Variants in ARHGAP26 observed in about 807,000 individuals in gnomAD.
The protein encoded by ARHGAP26 is Rho GTPase activating protein 26, also known as rho GTPase-activating protein 26.
In ARHGAP26, 38 loss-of-function variants were observed where a neutral mutation model predicts 104.8. The observed-to-expected ratio is 0.36, with a 90% CI of 0.28 to 0.48. ARHGAP26 has a LOEUF of 0.48. ARHGAP26 is among the 20% of genes least tolerant of loss of function. ARHGAP26 has a pLI of 0.99. For missense variants in ARHGAP26, 704 were observed against 947.9 expected, an observed-to-expected ratio of 0.74 and a Z score of 3.38; for synonymous variants, 341 against 340.0, an observed-to-expected ratio of 1.00 and a Z score of -0.03.
rs760217958 is a variant in ARHGAP26 at position 142,885,257 on chromosome 5, C to T, written c.385-41C>T. 39 of 1,545,032 alleles carry T rather than the reference C, an allele frequency of 2.5e-5. No individual in the cohort carries two copies. The Admixed American group carries it at 5.2e-4, about 21-fold the overall frequency. Reference sequence around the variant, plus strand: ...ATGGAGGCTGCTTTTATTCCTGCAACGTGTTACTCTTTTTCTTTTTCTCTT... The same window carrying T: ...ATGGAGGCTGCTTTTATTCCTGCAATGTGTTACTCTTTTTCTTTTTCTCTT... On this transcript the variant is annotated intron_variant, in intron 4 of 22. Coordinates refer to ENST00000645722, the MANE Select transcript of ARHGAP26 (RefSeq NM_001135608.3).
intron 11 of ARHGAP26, among the ~76,000 whole-genome samples, chr5:142,998,120 A>T (rs1776670618): frequency 6.6e-6 from 1 of 152,246 alleles, no homozygotes; most frequent in African/African-American, 2.4e-5. Context: ...GTGTTATAAA[A>T]TGTAACTCCT....
chr5:143,067,927 G>A lies in ARHGAP26; in HGVS notation c.1538+10180G>A, dbSNP rs146987723. The stretch of plus-strand genomic sequence containing the variant: ...GCCTGTAATTCCAGCACTTGGGGAG[G>A]CCAAAGCAGGCAGATCACTTGAGGC... On this transcript the variant is annotated intron_variant, in intron 17 of 22. Coordinates refer to ENST00000645722, the MANE Select transcript of ARHGAP26 (RefSeq NM_001135608.3). Among the ~76,000 whole-genome samples, 23 of 152,316 alleles carry A rather than the reference G, an allele frequency of 1.5e-4. No homozygotes were observed. The East Asian group carries it at 4.1e-3, about 27-fold the overall frequency.
At chr5:143,084,208 A>G (rs528343183) in intron 17 of ARHGAP26, among the ~76,000 whole-genome samples, 5 of 152,354 alleles carry the variant, frequency 3.3e-5, no homozygotes, top group African/African-American at 1.2e-4. Flanking sequence ...TGGTCACAGT[A>G]TTCCCTGCCA....
At chr5:142,836,858 T>C (rs1228684781) in intron 1 of ARHGAP26, among the ~76,000 whole-genome samples, 1 of 152,252 alleles carries the variant, frequency 6.6e-6, no homozygotes, top group Admixed American at 6.5e-5. Flanking sequence ...TCGTACCTAC[T>C]TTCCAGACAT....
At chr5:142,872,685 G>T (rs1055912951) in intron 1 of ARHGAP26, among the ~76,000 whole-genome samples, 1 of 152,166 alleles carries the variant, frequency 6.6e-6, no homozygotes, top group Non-Finnish European at 1.5e-5. Context: ...TTTTCTTATG[G>T]ATACTGCGTG....
intron 1 of ARHGAP26, among the ~76,000 whole-genome samples, chr5:142,805,623 T>C (rs879211269): frequency 6.6e-6 from 1 of 152,116 alleles, no homozygotes; most frequent in Non-Finnish European, 1.5e-5. Flanking sequence ...TGAGTTTATA[T>C]GAAGGCCCAA....
chr5:143,103,538 C>A (rs1229556043), intron 17 of ARHGAP26, among the ~76,000 whole-genome samples: 4 of 148,038 alleles, frequency 2.7e-5, no homozygotes, highest in African/African-American at 5.0e-5. Flanking sequence ...AGACTTGGAA[C>A]CAACCCAAAT....
chr5:143,191,409 T>C (rs1805906704), intron 20 of ARHGAP26, among the ~76,000 whole-genome samples: 1 of 152,242 alleles, frequency 6.6e-6, no homozygotes, highest in Non-Finnish European at 1.5e-5. Flanking sequence ...TGGGAAAATA[T>C]ATGCCACACT....
intron 19 of ARHGAP26, among the ~76,000 whole-genome samples, chr5:143,139,415 C>T (rs1215843125): frequency 6.6e-6 from 1 of 152,182 alleles, no homozygotes; most frequent in African/African-American, 2.4e-5. Flanking sequence ...AGTCTTCCTT[C>T]CCTATACTTT....
intron 1 of ARHGAP26, among the ~76,000 whole-genome samples, chr5:142,799,553 G>A (rs1319286091): frequency 6.6e-6 from 1 of 152,194 alleles, no homozygotes; most frequent in Admixed American, 6.5e-5. Context: ...ACCTTAGTTC[G>A]TTTTGTGCTG....
intron 11 of ARHGAP26, among the ~76,000 whole-genome samples, chr5:142,958,901 T>C (rs1258837782): frequency 8.3e-6 from 1 of 120,376 alleles, no homozygotes; most frequent in Admixed American, 8.1e-5. Flanking sequence ...AGACGCTGTC[T>C]CTTAAAAAAA....
chr5:142,844,976 G>T (rs1256895676), intron 1 of ARHGAP26, among the ~76,000 whole-genome samples: 2 of 152,168 alleles, frequency 1.3e-5, no homozygotes, highest in Non-Finnish European at 2.9e-5. Context: ...ACGTGTGGAG[G>T]AGCCCTCTGT....
chr5:143,211,700 T>C (rs907013868), intron 21 of ARHGAP26, among the ~76,000 whole-genome samples: 1 of 151,514 alleles, frequency 6.6e-6, no homozygotes, highest in Non-Finnish European at 1.5e-5. Flanking sequence ...CCAAGTAACC[T>C]GGACTCCACA....
chr5:142,992,403 C>G, intron 11 of ARHGAP26, among the ~76,000 whole-genome samples: 1 of 151,786 alleles, frequency 6.6e-6, no homozygotes, highest in Non-Finnish European at 1.5e-5. Context: ...AGAAGTGCAG[C>G]AGTGATTTTT....
At chr5:143,110,985 G>A (rs1794709460) in intron 17 of ARHGAP26, among the ~76,000 whole-genome samples, 1 of 152,144 alleles carries the variant, frequency 6.6e-6, no homozygotes, top group Admixed American at 6.5e-5. Context: ...GACAATGTAG[G>A]GCAAATAAAA....
At chr5:142,823,489 T>C (rs187613003) in intron 1 of ARHGAP26, among the ~76,000 whole-genome samples, 9 of 152,232 alleles carry the variant, frequency 5.9e-5, no homozygotes, top group African/African-American at 2.2e-4. Context: ...AAAGCCTGGC[T>C]CTTGGGACTG....
At chr5:142,791,179 A>G (rs1259021751) in intron 1 of ARHGAP26, among the ~76,000 whole-genome samples, 1 of 151,794 alleles carries the variant, frequency 6.6e-6, no homozygotes, top group Non-Finnish European at 1.5e-5. Context: ...CCCAGGTTCA[A>G]GCGATTCTCC....
In ARHGAP26 at chr5:142,794,647, G is replaced by A. The variant is rs1251221052; in HGVS notation, c.154+23732G>A. Among the ~76,000 whole-genome samples the A allele has an allele frequency of 2.2e-4, 33 of 152,150 alleles. 1 individual carries two copies. The highest frequency in any genetic ancestry group is 2.1e-3 in the Admixed American group (32 of 15,274). On this transcript the variant is annotated intron_variant, in intron 1 of 22. Transcript: ENST00000645722. Reference sequence around the variant, plus strand: ...TGTGAGCAGCCTAAGAATAGTGTTTGGGAGTTAAGTGCCTAGAGAGTAGGG... The same window carrying A: ...TGTGAGCAGCCTAAGAATAGTGTTTAGGAGTTAAGTGCCTAGAGAGTAGGG...
At chr5:142,982,529 C>T (rs963610523) in intron 11 of ARHGAP26, among the ~76,000 whole-genome samples, 1 of 152,180 alleles carries the variant, frequency 6.6e-6, no homozygotes, top group Non-Finnish European at 1.5e-5. Context: ...ATTGTACAGC[C>T]TGGCAGTCCT....
Sources: gnomAD v4.1 joint callset for allele counts (sites outside exome capture counted in the v4.1 genomes callset) on GRCh38, gnomAD v4.1.1 for gene constraint, MANE v1.5 for transcripts, NCBI Gene and HGNC (gene_info 2026-07-23, HGNC 2026-07-21) for gene names.